BICD1: variants seen among roughly 807,000 people sequenced by gnomAD.
BICD1 encodes the protein BICD cargo adaptor 1, also known as protein bicaudal D homolog 1.
In BICD1, 35 loss-of-function variants were observed where a neutral mutation model predicts 92.5. That is an observed-to-expected ratio of 0.38 (90% confidence interval 0.29 to 0.50). The LOEUF (loss-of-function observed/expected upper bound fraction) is 0.50. BICD1 is among the 20% of genes least tolerant of loss of function. The pLI, the probability that BICD1 is intolerant of heterozygous loss-of-function variation, is 0.93. For synonymous variants in BICD1, 429 were observed against 465.1 expected (o/e 0.92, Z 1.00); for missense variants, 950 against 1,189.8 (o/e 0.80, Z 2.97).
rs1941504386 is a variant in BICD1 at position 32,107,237 on chromosome 12, A to T, written c.-95A>T. On this transcript the variant is annotated 5_prime_UTR_variant, in exon 1 of 10. Coordinates refer to ENST00000652176, the MANE Select transcript of BICD1 (RefSeq NM_001714.4). ...CGGCCGCACTTTCTTTTCCGTTTCC[A>T]CCCATCCCTTCCCATTTCCTTCTCC... The T allele has an allele frequency of 8.4e-7, 1 of 1,190,218 alleles. No individual in the cohort carries two copies. Among genetic ancestry groups the T allele is most frequent in the Non-Finnish European group, 1.2e-6 (1 of 847,818 alleles). 73.7% of individuals were successfully genotyped at this position (1,190,218 alleles called of 1,614,324 possible).
intron 2 of BICD1, among the ~76,000 whole-genome samples, chr12:32,255,033 T>C (rs1946678228): frequency 1.3e-5 from 2 of 152,080 alleles, no homozygotes; most frequent in Admixed American, 1.3e-4. Flanking sequence ...CAGAAATTGA[T>C]TTCTCACAGT....
Position 32,259,270 on chromosome 12 carries a change from TCTAA to T in BICD1, c.427-34721_427-34718del, listed in dbSNP as rs199615384. 1.0e-2 allele frequency among the ~76,000 whole-genome samples: 1,517 copies of T among 152,354 alleles called. 30 individuals carry two copies. Among genetic ancestry groups the T allele is most frequent in the African/African-American group, 0.034 (1,428 of 41,582 alleles). ...TATATCTAATTTGTATTATAACTAT[TCTAA>T]CTGTTTTCTTTATTACACTGAAACA... is the stretch of plus-strand genomic sequence containing the variant. On this transcript the variant is annotated intron_variant, in intron 2 of 9. Coordinates refer to ENST00000652176, the MANE Select transcript of BICD1 (RefSeq NM_001714.4).
At chr12:32,238,938 CTG>C (rs1946152442) in intron 2 of BICD1, among the ~76,000 whole-genome samples, 1 of 98,350 alleles carries the variant, frequency 1.0e-5, no homozygotes, top group Non-Finnish European at 1.8e-5. Flanking sequence ...GAGCAAAACT[CTG>C]TCTCAAAAAA....
At chr12:32,176,145 G>A (rs138289511) in intron 1 of BICD1, among the ~76,000 whole-genome samples, 85 of 152,238 alleles carry the variant, frequency 5.6e-4, no homozygotes, top group African/African-American at 1.9e-3. Flanking sequence ...TGGACATGTA[G>A]GTTGTTTCTA....
At chr12:32,224,253 T>G (rs920696432) in intron 2 of BICD1, among the ~76,000 whole-genome samples, 1 of 152,230 alleles carries the variant, frequency 6.6e-6, no homozygotes, top group African/African-American at 2.4e-5. Context: ...GGAATGGACC[T>G]CATACCTCTC....
chr12:32,246,754 T>C (rs1946399503), intron 2 of BICD1, among the ~76,000 whole-genome samples: 1 of 152,226 alleles, frequency 6.6e-6, no homozygotes, highest in African/African-American at 2.4e-5. Flanking sequence ...ACTGTCTTTT[T>C]GCCAGAGACT....
At chr12:32,116,476 CTCTCTCTCTCTCTCTT>C (rs1166729046) in intron 1 of BICD1, among the ~76,000 whole-genome samples, 96 of 106,442 alleles carry the variant, frequency 9.0e-4, no homozygotes, top group African/African-American at 2.6e-3. Flanking sequence ...CTCTCTCTCT[CTCTCTCTCTCTCTCTT>C]TCTCTCTCTC....
Position 32,173,889 on chromosome 12 carries a change from G to A in BICD1, c.214-42358G>A, listed in dbSNP as rs549098550. Among the ~76,000 whole-genome samples, 55 of 152,242 alleles carry A rather than the reference G, an allele frequency of 3.6e-4. 1 individual carries two copies. The highest frequency in any genetic ancestry group is 1.3e-3 in the African/African-American group (55 of 41,572). ...TTTAGGAATTGCTTATTCCACAAAT[G>A]ATTTCTTACCAAGATTTCCAGAAAC... is the stretch of plus-strand genomic sequence containing the variant. On this transcript the variant is annotated intron_variant, in intron 1 of 9. Transcript: ENST00000652176.
At chr12:32,283,585 T>C (rs913039017) in intron 2 of BICD1, among the ~76,000 whole-genome samples, 1 of 152,064 alleles carries the variant, frequency 6.6e-6, no homozygotes, top group South Asian at 2.1e-4. Context: ...ATCAAAGAAG[T>C]GAAGAACCAC....
chr12:32,285,517 G>A (rs1007452593), intron 2 of BICD1, among the ~76,000 whole-genome samples: 3 of 152,076 alleles, frequency 2.0e-5, no homozygotes, highest in South Asian at 2.1e-4. Context: ...GGTGACAAGC[G>A]TTCATCTGTA....
intron 2 of BICD1, among the ~76,000 whole-genome samples, chr12:32,289,179 A>G (rs1160120073): frequency 6.6e-6 from 1 of 152,160 alleles, no homozygotes; most frequent in Non-Finnish European, 1.5e-5. Context: ...AGATCATGTG[A>G]CTTCTTTGAA....
At chr12:32,320,120 A>T (rs1051866005) in intron 4 of BICD1, among the ~76,000 whole-genome samples, 1 of 152,172 alleles carries the variant, frequency 6.6e-6, no homozygotes, top group African/African-American at 2.4e-5. Context: ...TCAAGCAGAG[A>T]AGAACAAATT....
chr12:32,253,224 T>C (rs1419198376), intron 2 of BICD1, among the ~76,000 whole-genome samples: 1 of 152,180 alleles, frequency 6.6e-6, no homozygotes, highest in Non-Finnish European at 1.5e-5. Flanking sequence ...TTCCTTTTTC[T>C]TTGAATTGCT....
chr12:32,142,606 G>A (rs570444215), intron 1 of BICD1, among the ~76,000 whole-genome samples: 15 of 152,104 alleles, frequency 9.9e-5, no homozygotes, highest in African/African-American at 3.4e-4. Context: ...AACAGCCTTC[G>A]CTTCACATCT....
At chr12:32,152,429 A>T (rs1223908604) in intron 1 of BICD1, among the ~76,000 whole-genome samples, 1 of 151,552 alleles carries the variant, frequency 6.6e-6, no homozygotes, top group Non-Finnish European at 1.5e-5. Flanking sequence ...TCTTGCCATG[A>T]TGCTGAGGCT....
intron 8 of BICD1, among the ~76,000 whole-genome samples, chr12:32,367,060 C>T (rs150453124): frequency 1.3e-5 from 2 of 152,328 alleles, no homozygotes; most frequent in Non-Finnish European, 2.9e-5. Context: ...AAGTCACTAA[C>T]AATTTACTAT....
At chr12:32,205,725 A>ATTTTTTTTTTTTTTTTTTTTTTTTTTTT (rs1555146935) in intron 1 of BICD1, among the ~76,000 whole-genome samples, 6 of 146,058 alleles carry the variant, frequency 4.1e-5, no homozygotes, top group South Asian at 2.2e-4. Flanking sequence ...TTATATGTCA[A>ATTTTTTTTTTTTTTTTTTTTTTTTTTTT]TTTTGACATA....
At chr12:32,173,299 C>T (rs1944003369) in intron 1 of BICD1, among the ~76,000 whole-genome samples, 2 of 152,192 alleles carry the variant, frequency 1.3e-5, no homozygotes, top group Non-Finnish European at 2.9e-5. Flanking sequence ...ATCCGCCCGC[C>T]TCGGCCTCCC....
intron 1 of BICD1, among the ~76,000 whole-genome samples, chr12:32,148,177 A>AT (rs1323410075): frequency 6.8e-6 from 1 of 147,784 alleles, no homozygotes; most frequent in Admixed American, 6.8e-5. Context: ...GATACTGGCC[A>AT]TATTCACTGA....
Sources: allele counts gnomAD v4.1 joint callset (sites outside exome capture counted in the v4.1 genomes callset), GRCh38; gene constraint gnomAD v4.1.1; transcripts MANE v1.5; gene names NCBI Gene and HGNC (gene_info 2026-07-23, HGNC 2026-07-21).